KCNH7: variants seen among roughly 807,000 people sequenced by gnomAD.
KCNH7 encodes potassium voltage-gated channel subfamily H member 7.
Under a neutral mutation model 120.8 loss-of-function variants are expected in KCNH7, and 49 were observed. The observed-to-expected ratio is 0.41, with a 90% CI of 0.32 to 0.51. The LOEUF (loss-of-function observed/expected upper bound fraction) is 0.51. Among genes scored for constraint, KCNH7 ranks in the 20% least tolerant of loss-of-function variants. KCNH7 has a pLI of 0.38. For synonymous variants in KCNH7, 547 were observed against 516.1 expected (o/e 1.06, Z -0.81); for missense variants, 1,097 against 1,446.6 (o/e 0.76, Z 3.92).
At chr2:162,607,875 C>G (rs1682833513) in intron 2 of KCNH7, among the ~76,000 whole-genome samples, 1 of 151,916 alleles carries the variant, frequency 6.6e-6, no homozygotes, top group Non-Finnish European at 1.5e-5. Flanking sequence ...ATACTTTGGG[C>G]CCCTCCAAAT....
At chr2:162,435,136 A>T (rs538376917) in intron 8 of KCNH7, 62 bp downstream of exon 8, 2 of 1,417,440 alleles carry the variant, frequency 1.4e-6, no homozygotes, top group Non-Finnish European at 1.9e-6. Context: ...TAAATATTGT[A>T]GAAATATTAA....
At chr2:162,403,154 C>A (rs1687113033) in intron 9 of KCNH7, among the ~76,000 whole-genome samples, 1 of 151,724 alleles carries the variant, frequency 6.6e-6, no homozygotes, top group Admixed American at 6.6e-5. Context: ...GTCTTTTGGT[C>A]CAAATTTATT....
At chr2:162,822,839 C>G (rs1323644692) in intron 2 of KCNH7, among the ~76,000 whole-genome samples, 1 of 152,142 alleles carries the variant, frequency 6.6e-6, no homozygotes, top group Non-Finnish European at 1.5e-5. Flanking sequence ...CCTGTTGCTT[C>G]TAAAGGAGAA....
At chr2:162,642,178 G>A (rs923942934) in intron 2 of KCNH7, among the ~76,000 whole-genome samples, 6 of 151,970 alleles carry the variant, frequency 3.9e-5, no homozygotes, top group Non-Finnish European at 8.8e-5. Context: ...TCACAGTGAC[G>A]GCTTCTGTCT....
chr2:162,443,073 C>G (rs1688475968), intron 7 of KCNH7, among the ~76,000 whole-genome samples: 1 of 152,108 alleles, frequency 6.6e-6, no homozygotes, highest in African/African-American at 2.4e-5. Flanking sequence ...ATCCCTGCCA[C>G]TTTAAAAAGT....
intron 6 of KCNH7, among the ~76,000 whole-genome samples, chr2:162,491,461 T>C (rs530981540): frequency 1.3e-5 from 2 of 152,138 alleles, no homozygotes; most frequent in African/African-American, 4.8e-5. Context: ...CTCCACAGCT[T>C]TACCTTAGCA....
At chr2:162,495,960 G>A (rs1690483658) in intron 6 of KCNH7, among the ~76,000 whole-genome samples, 1 of 152,058 alleles carries the variant, frequency 6.6e-6, no homozygotes, top group Non-Finnish European at 1.5e-5. Context: ...AGCAATCTTG[G>A]GATTGTGGAG....
intron 2 of KCNH7, among the ~76,000 whole-genome samples, chr2:162,731,093 G>C (rs1464429154): frequency 6.6e-6 from 1 of 151,528 alleles, no homozygotes; most frequent in Non-Finnish European, 1.5e-5. Flanking sequence ...GCTGACAACA[G>C]TAGAAACATC....
At chr2:162,833,929 C>A (rs1296393827) in intron 2 of KCNH7, among the ~76,000 whole-genome samples, 2 of 152,136 alleles carry the variant, frequency 1.3e-5, no homozygotes, top group African/African-American at 4.8e-5. Flanking sequence ...CATCACTCTT[C>A]ATATTCTTGT....
intron 2 of KCNH7, among the ~76,000 whole-genome samples, chr2:162,719,033 G>A (rs940611571): frequency 1.5e-4 from 23 of 152,064 alleles, no homozygotes; most frequent in African/African-American, 5.1e-4. Context: ...TGAAAGAAGG[G>A]AAGTTAGGTG....
At chr2:162,630,914 T>A (rs1354677902) in intron 2 of KCNH7, among the ~76,000 whole-genome samples, 1 of 152,058 alleles carries the variant, frequency 6.6e-6, no homozygotes, top group Admixed American at 6.6e-5. Flanking sequence ...ATCTCCCCGA[T>A]CAGGTTCCAG....
intron 2 of KCNH7, among the ~76,000 whole-genome samples, chr2:162,741,205 T>C (rs1339610181): frequency 8.2e-6 from 1 of 122,148 alleles, no homozygotes; most frequent in Non-Finnish European, 1.5e-5. Context: ...TAATTATACA[T>C]ATTAATAACA....
intron 2 of KCNH7, among the ~76,000 whole-genome samples, chr2:162,726,662 C>T (rs1224532120): frequency 1.3e-5 from 2 of 152,118 alleles, no homozygotes; most frequent in Admixed American, 6.5e-5. Context: ...TCAAGTGATC[C>T]GCCCACCTCG....
chr2:162,793,931 C>T (rs772411696), intron 2 of KCNH7, among the ~76,000 whole-genome samples: 5 of 151,666 alleles, frequency 3.3e-5, no homozygotes, highest in Non-Finnish European at 7.4e-5. Flanking sequence ...AGAATAGATC[C>T]TAAATGTTCT....
intron 2 of KCNH7, among the ~76,000 whole-genome samples, chr2:162,550,192 A>G (rs1692621009): frequency 6.6e-6 from 1 of 152,180 alleles, no homozygotes; most frequent in African/African-American, 2.4e-5. Flanking sequence ...AACAAGCACA[A>G]ATATTTGGGA....
intron 2 of KCNH7, among the ~76,000 whole-genome samples, chr2:162,812,695 A>G (rs988472821): frequency 1.3e-5 from 2 of 152,180 alleles, no homozygotes; most frequent in African/African-American, 4.8e-5. Context: ...GTGAAGAAAC[A>G]GTTCTACAGG....
intron 12 of KCNH7, among the ~76,000 whole-genome samples, chr2:162,391,786 A>G (rs1178589169): frequency 1.3e-5 from 2 of 152,188 alleles, no homozygotes; most frequent in East Asian, 3.9e-4. Flanking sequence ...GGAAGACATT[A>G]TTATATTGAC....
chr2:162,678,672 C>G (rs1014649457), intron 2 of KCNH7, among the ~76,000 whole-genome samples: 9 of 151,440 alleles, frequency 5.9e-5, no homozygotes, highest in African/African-American at 1.9e-4. Flanking sequence ...GAGTAAGAAA[C>G]TTCTTTAACC....
intron 2 of KCNH7, among the ~76,000 whole-genome samples, chr2:162,543,580 C>A (rs1393216687): frequency 6.6e-6 from 1 of 152,008 alleles, no homozygotes; most frequent in African/African-American, 2.4e-5. Context: ...TTATTTAAAA[C>A]AATTTTAAAC....
Sources: gnomAD v4.1 joint callset for allele counts (sites outside exome capture counted in the v4.1 genomes callset) on GRCh38, gnomAD v4.1.1 for gene constraint, MANE v1.5 for transcripts, NCBI Gene and HGNC (gene_info 2026-07-23, HGNC 2026-07-21) for gene names.